Variants in HHIP observed in about 807,000 individuals in gnomAD.
HHIP encodes hedgehog interacting protein, also known as hedgehog-interacting protein.
In HHIP, 12 loss-of-function variants were observed where a neutral mutation model predicts 74.0. The observed-to-expected ratio is 0.16, with a 90% confidence interval of 0.10 to 0.26. The LOEUF (loss-of-function observed/expected upper bound fraction) is 0.26, where lower values mean the gene tolerates loss of function less well. Ranked by LOEUF, HHIP falls within the 10% of genes least tolerant of loss-of-function variation. The probability of loss-of-function intolerance (pLI) is 1.00; values close to 1 mark genes in which losing one functional copy is unlikely to be tolerated. For synonymous variants in HHIP, 309 were observed against 311.6 expected (o/e 0.99, Z 0.09); for missense variants, 788 against 845.0 (o/e 0.93, Z 0.84).
intron 4 of HHIP, among the ~76,000 whole-genome samples, chr4:144,664,289 G>C (rs1209314943): frequency 1.3e-5 from 2 of 152,230 alleles, no homozygotes; most frequent in Non-Finnish European, 2.9e-5. Context: ...AGAGACAGCA[G>C]TCCCTGTGCC....
chr4:144,732,164 G>A (rs904719449), intron 11 of HHIP, among the ~76,000 whole-genome samples: 4 of 152,054 alleles, frequency 2.6e-5, no homozygotes, highest in Non-Finnish European at 4.4e-5. Context: ...TTAGGTAAAT[G>A]TTCATATTAA....
chr4:144,673,624 A>C (rs1474019255), intron 4 of HHIP, among the ~76,000 whole-genome samples: 1 of 152,202 alleles, frequency 6.6e-6, no homozygotes, highest in African/African-American at 2.4e-5. Flanking sequence ...AAAAGGTCAA[A>C]ATCCAGGTAT....
intron 2 of HHIP, among the ~76,000 whole-genome samples, chr4:144,654,720 A>AT (rs1260289088): frequency 6.6e-6 from 1 of 152,178 alleles, no homozygotes; most frequent in African/African-American, 2.4e-5. Context: ...TGGAACACAG[A>AT]TTTTTTGGAA....
At chr4:144,685,715 G>C (rs1004315037) in intron 4 of HHIP, 2 of 152,126 alleles carry the variant, frequency 1.3e-5, no homozygotes, top group African/African-American at 4.8e-5. Context: ...CTCTAGGATT[G>C]TGTCAGGATT....
At chr4:144,653,423 T>G (rs1484027176) in intron 2 of HHIP, among the ~76,000 whole-genome samples, 1 of 152,118 alleles carries the variant, frequency 6.6e-6, no homozygotes, top group Non-Finnish European at 1.5e-5. Context: ...ATAGGAGAGA[T>G]ATGGAATTTC....
rs1458045674 is a variant in HHIP at position 144,741,936 on chromosome 4, T to C, written c.*3979T>C. ...ATTGACTGATTAACCAAGTAATTTA[T>C]AAAATGTTACCTATACTGTCAGTGT... On this transcript the variant is annotated 3_prime_UTR_variant, in exon 13 of 13. Coordinates refer to ENST00000296575, the MANE Select transcript of HHIP (RefSeq NM_022475.3). 1.3e-5 allele frequency: 2 copies of C among 152,068 alleles called. No homozygotes were observed. The highest frequency in any genetic ancestry group is 6.6e-5 in the Admixed American group (1 of 15,254). The allele number at this position is 152,068 out of a possible 1,614,324, so 9.4% of individuals were successfully genotyped here.
Position 144,724,598 on chromosome 4 carries a change from G to A in HHIP, c.1760+5642G>A, listed in dbSNP as rs112959175. ...AGTCAAGTTAACTAGCATATCCATCGCCTTACCTACTTATCATTATTTCTG... is the reference window on the plus strand; with the variant it reads ...AGTCAAGTTAACTAGCATATCCATCACCTTACCTACTTATCATTATTTCTG... On this transcript the variant is annotated intron_variant, in intron 11 of 12. Transcript: ENST00000296575. Among the ~76,000 whole-genome samples, 300 of 149,836 alleles carry A rather than the reference G, an allele frequency of 2.0e-3. 2 individuals carry two copies. Among genetic ancestry groups the A allele is most frequent in the African/African-American group, 6.7e-3 (275 of 40,960 alleles).
At chr4:144,695,592 T>A (rs1729791531) in intron 4 of HHIP, among the ~76,000 whole-genome samples, 1 of 151,800 alleles carries the variant, frequency 6.6e-6, no homozygotes, top group African/African-American at 2.4e-5. Context: ...CACACAAATG[T>A]CGGGGTCTAT....
Position 144,734,843 on chromosome 4 carries a change from A to G in HHIP, c.1863A>G (p.Gly621=), listed in dbSNP as rs1236086418. 1 of 1,613,150 alleles carries G rather than the reference A, an allele frequency of 6.2e-7. No individual in the cohort carries two copies. Among genetic ancestry groups the G allele is most frequent in the Admixed American group, 1.7e-5 (1 of 59,992 alleles). Residue 621 remains glycine, a synonymous_variant, in exon 12 of 13, where the codon GGA becomes GGG. Transcript: ENST00000296575. ...LCRNGYCTPT[G]KCCCSPGWEG... Reference sequence around the variant, plus strand: ...GAAACGGCTACTGCACCCCCACGGGAAAGTGCTGCTGCAGTCCAGGCTGGG... The same window carrying G: ...GAAACGGCTACTGCACCCCCACGGGGAAGTGCTGCTGCAGTCCAGGCTGGG...
intron 4 of HHIP, among the ~76,000 whole-genome samples, chr4:144,671,509 C>T (rs1729036389): frequency 1.3e-5 from 2 of 152,176 alleles, no homozygotes; most frequent in African/African-American, 4.8e-5. Context: ...CATCAATTTT[C>T]AGAGCCTTTG....
At chr4:144,678,076 T>A (rs986667773) in intron 4 of HHIP, among the ~76,000 whole-genome samples, 1 of 152,168 alleles carries the variant, frequency 6.6e-6, no homozygotes. Context: ...AGGAAACACA[T>A]CTATACAACC....
At position 144,721,008 on chromosome 4, in the gene HHIP, A is replaced by G. The variant is rs188362237; in HGVS notation, c.1760+2052A>G. 3.9e-4 allele frequency among the ~76,000 whole-genome samples: 59 copies of G among 152,282 alleles called. No homozygotes were observed. In the East Asian group the frequency reaches 5.6e-3, roughly 14 times the overall value. On this transcript the variant is annotated intron_variant, in intron 11 of 12. Transcript: ENST00000296575. ...TAAAATTTTTGAGGTAGAATTTTAA[A>G]AAAGATTCTTGTCAGCTAAAAAAAC...
chr4:144,728,083 T>A (rs1730848975), intron 11 of HHIP, among the ~76,000 whole-genome samples: 1 of 152,224 alleles, frequency 6.6e-6, no homozygotes, highest in South Asian at 2.1e-4. Flanking sequence ...GGTTGCATCT[T>A]TAACCACAGA....
rs943674981 is a variant in HHIP, at chr4:144,745,104, G to A, written c.*7147G>A. The A allele has an allele frequency of 2.0e-5, 3 of 152,112 alleles. No homozygotes were observed. The highest frequency in any genetic ancestry group is 2.0e-4 in the Admixed American group (3 of 15,258). 9.4% of individuals were successfully genotyped at this position (152,112 alleles called of 1,614,324 possible). A position where few individuals can be genotyped will look rare whatever the true frequency, so the allele number is the denominator to read the frequency against. ...GTAAATGCAGAGAATTGGTTTTATT[G>A]TTGATCTGTGGATTTAATGATTTCT... On this transcript the variant is annotated 3_prime_UTR_variant, in exon 13 of 13. Coordinates refer to ENST00000296575, the MANE Select transcript of HHIP (RefSeq NM_022475.3).
At chr4:144,690,474 C>T (rs950456072) in intron 4 of HHIP, among the ~76,000 whole-genome samples, 32 of 152,262 alleles carry the variant, frequency 2.1e-4, no homozygotes, top group Non-Finnish European at 3.4e-4. Flanking sequence ...TGGTCTTAAA[C>T]GATCAACAAG....
intron 8 of HHIP, among the ~76,000 whole-genome samples, chr4:144,712,605 A>G (rs2126661780): frequency 6.6e-6 from 1 of 152,366 alleles, no homozygotes; most frequent in East Asian, 1.9e-4. Flanking sequence ...AGTATTTTTA[A>G]TAACATGATT....
chr4:144,647,769 T>C (rs144657379), intron 1 of HHIP, among the ~76,000 whole-genome samples: 30 of 152,344 alleles, frequency 2.0e-4, no homozygotes, highest in African/African-American at 6.7e-4. Context: ...TGCCAGGAGA[T>C]GCAGTCATGG....
At chr4:144,708,363 G>GTT in intron 7 of HHIP, 52 bp downstream of exon 7, 2 of 1,588,120 alleles carry the variant, frequency 1.3e-6, no homozygotes, top group Non-Finnish European at 8.6e-7. Context: ...GCGGGGATCC[G>GTT]AGAACTGGGA....
chr4:144,737,921 A>T lies in HHIP; in HGVS notation c.2067A>T (p.Thr689=), dbSNP rs996382332. The change falls in exon 13 of 13, where the codon ACA becomes ACT. Residue 689 remains threonine (T), a synonymous_variant. Coordinates refer to ENST00000296575, the MANE Select transcript of HHIP (RefSeq NM_022475.3). ...TTCTTGATCAGATCATTGACATGAC[A>T]TCTTACTTGCTGGATCTAACAAGTT... is the stretch of plus-strand genomic sequence containing the variant. ...AGILDQIIDM[T]SYLLDLTSYI... 6.2e-7 allele frequency: 1 copy of T among 1,612,100 alleles called. No homozygotes were observed. The highest frequency in any genetic ancestry group is 8.5e-7 in the Non-Finnish European group (1 of 1,179,080).
Sources: allele counts gnomAD v4.1 joint callset (sites outside exome capture counted in the v4.1 genomes callset), GRCh38; gene constraint gnomAD v4.1.1; transcripts MANE v1.5; gene names NCBI Gene and HGNC (gene_info 2026-07-23, HGNC 2026-07-21).